The following NREP variants were observed in gnomAD, a reference collection of about 807,000 sequenced individuals.
NREP encodes neuronal regeneration-related protein.
A neutral mutation model predicts 8.6 loss-of-function variants in NREP; 5 were observed. That is an observed-to-expected ratio of 0.58 (90% CI 0.30 to 1.22). The LOEUF (loss-of-function observed/expected upper bound fraction) is 1.22. NREP is among the 50% of genes most tolerant of loss of function. The pLI, the probability that NREP is intolerant of heterozygous loss-of-function variation, is 0.07. For missense variants in NREP, 86 were observed against 82.5 expected (o/e 1.04, Z -0.17); for synonymous variants, 27 against 28.0 (o/e 0.96, Z 0.11).
chr5:111,964,791 T>G (rs935382480), intron 2 of NREP, among the ~76,000 whole-genome samples: 2 of 141,666 alleles, frequency 1.4e-5, no homozygotes, highest in African/African-American at 5.3e-5. Context: ...GGTATATACC[T>G]GTAGAGATTA....
chr5:111,829,292 C>G (rs185640682), intron 2 of NREP, among the ~76,000 whole-genome samples: 1 of 152,202 alleles, frequency 6.6e-6, no homozygotes, highest in Non-Finnish European at 1.5e-5. Context: ...CTGACATAAT[C>G]AGATTTGTAT....
At chr5:111,846,824 C>A (rs1753187433) in intron 2 of NREP, among the ~76,000 whole-genome samples, 1 of 152,068 alleles carries the variant, frequency 6.6e-6, no homozygotes, top group African/African-American at 2.4e-5. Context: ...CTTAACCATG[C>A]CTAAGGCACA....
intron 2 of NREP, among the ~76,000 whole-genome samples, chr5:111,833,796 T>C (rs1244547173): frequency 6.6e-6 from 1 of 152,178 alleles, no homozygotes; most frequent in Non-Finnish European, 1.5e-5. Flanking sequence ...CAAGGCAATA[T>C]AGAAATATGC....
In NREP at chr5:111,872,021, C is replaced by CAT. The variant is rs144779629; in HGVS notation, c.135+103251_135+103252dup. Among the ~76,000 whole-genome samples the CAT allele has an allele frequency of 5.7e-4, 85 of 149,010 alleles. 1 individual carries two copies. The highest frequency in any genetic ancestry group is 1.4e-3 in the African/African-American group (55 of 40,710). On this transcript the variant is annotated intron_variant, in intron 2 of 3. Coordinates refer to the NREP transcript ENST00000395634. ...AATCTTTCTGCTATTGGTTCCATTTCATATATATATATACAATCTATATAT... is the reference window on the plus strand; with the variant it reads ...AATCTTTCTGCTATTGGTTCCATTTCATATATATATATATACAATCTATATAT...
At chr5:111,943,202 T>C (rs1161976657) in intron 2 of NREP, among the ~76,000 whole-genome samples, 1 of 152,078 alleles carries the variant, frequency 6.6e-6, no homozygotes, top group East Asian at 1.9e-4. Context: ...ATTAGTCATT[T>C]CCATATTAAT....
downstream of NREP, chr5:111,729,007 T>C (rs1748329160): frequency 6.6e-6 from 1 of 152,022 alleles, no homozygotes. Flanking sequence ...TTGAAGCGTA[T>C]GGGAATGCCT....
At chr5:111,947,743 C>A (rs1011982596) in intron 2 of NREP, among the ~76,000 whole-genome samples, 2 of 152,022 alleles carry the variant, frequency 1.3e-5, no homozygotes, top group African/African-American at 4.8e-5. Context: ...CAGAATGGCA[C>A]ATGAATGCAG....
At chr5:111,807,160 G>A (rs191012095) in intron 2 of NREP, among the ~76,000 whole-genome samples, 72 of 151,682 alleles carry the variant, frequency 4.7e-4, no homozygotes, top group Non-Finnish European at 8.5e-4. Flanking sequence ...TATTGACTTC[G>A]TCTTAAAACT....
intron 2 of NREP, among the ~76,000 whole-genome samples, chr5:111,877,139 C>T (rs575029631): frequency 6.6e-6 from 1 of 152,276 alleles, no homozygotes; most frequent in Admixed American, 6.5e-5. Context: ...GCCAAATATT[C>T]TCATCATAAC....
At chr5:111,947,340 TTATC>T (rs760303224) in intron 2 of NREP, among the ~76,000 whole-genome samples, 100 of 152,146 alleles carry the variant, frequency 6.6e-4, no homozygotes, top group South Asian at 1.7e-3. Flanking sequence ...CTGAACTAAA[TTATC>T]TATCTTAGTA....
At chr5:111,901,760 C>A (rs1477893149) in intron 2 of NREP, among the ~76,000 whole-genome samples, 1 of 151,904 alleles carries the variant, frequency 6.6e-6, no homozygotes, top group African/African-American at 2.4e-5. Context: ...AAAGTGAAAA[C>A]CTCAAAATTG....
intron 2 of NREP, among the ~76,000 whole-genome samples, chr5:111,800,207 C>T (rs1031215984): frequency 6.6e-6 from 1 of 151,964 alleles, no homozygotes; most frequent in Non-Finnish European, 1.5e-5. Context: ...GGATTACAGG[C>T]GCGGGCCACC....
chr5:111,821,120 G>A (rs1752504930), intron 2 of NREP, among the ~76,000 whole-genome samples: 1 of 152,160 alleles, frequency 6.6e-6, no homozygotes, highest in South Asian at 2.1e-4. Context: ...GTTAGCCTTA[G>A]ACCCAGGGCC....
intron 2 of NREP, among the ~76,000 whole-genome samples, chr5:111,968,220 T>TA (rs148738041): frequency 0.011 from 1,657 of 151,836 alleles, 37 homozygotes; most frequent in African/African-American, 0.038. Context: ...TTAAAAATCT[T>TA]AAAAAAAAGG....
chr5:111,950,107 T>C (rs1032048562), intron 2 of NREP, among the ~76,000 whole-genome samples: 1 of 152,104 alleles, frequency 6.6e-6, no homozygotes, highest in African/African-American at 2.4e-5. Context: ...TTCCTGACTT[T>C]TTAATAATCA....
intron 2 of NREP, among the ~76,000 whole-genome samples, chr5:111,798,158 C>T (rs1751915297): frequency 6.6e-6 from 1 of 151,952 alleles, no homozygotes; most frequent in South Asian, 2.1e-4. Context: ...TTATTTTTAG[C>T]AAAGCTGAAT....
At chr5:111,804,874 G>A (rs1195733730) in intron 2 of NREP, among the ~76,000 whole-genome samples, 1 of 152,058 alleles carries the variant, frequency 6.6e-6, no homozygotes, top group Non-Finnish European at 1.5e-5. Context: ...GGTGGCGGGC[G>A]CCTGCAGGCC....
rs141924374 is a variant in NREP, at chr5:111,782,788, G to A, written c.136-47281C>T. On this transcript the variant is annotated intron_variant, in intron 2 of 3. Transcript: ENST00000395634. ...CTCGCTCTGTCATCCAGGCTGGAAG[G>A]CACTGGCATGATCTCAGCTCACTGC... Among the ~76,000 whole-genome samples, 32 of 151,742 alleles carry A rather than the reference G, an allele frequency of 2.1e-4. No homozygotes were observed. The East Asian group carries it at 5.8e-3, about 28-fold the overall frequency.
rs554213308 is a variant in NREP at position 111,868,188 on chromosome 5, TAATAC to T, written c.135+107081_135+107085del. On this transcript the variant is annotated intron_variant, in intron 2 of 3. Coordinates refer to the NREP transcript ENST00000395634. ...CTTCATGGAAACGTGGAATCAGAGA[TAATAC>T]AGAGGATGTCAGTCTCCAGTGTCTT... 7.2e-5 allele frequency among the ~76,000 whole-genome samples: 11 copies of T among 152,268 alleles called. No homozygotes were observed. In the South Asian group the frequency reaches 2.3e-3, roughly 32 times the overall value.
Sources: allele counts gnomAD v4.1 joint callset (sites outside exome capture counted in the v4.1 genomes callset), GRCh38; gene constraint gnomAD v4.1.1; transcripts MANE v1.5; gene names NCBI Gene and HGNC (gene_info 2026-07-23, HGNC 2026-07-21).